The following VTI1A variants were observed in gnomAD, a reference collection of about 807,000 sequenced individuals.
The protein encoded by VTI1A is vesicle transport through interaction with t-SNAREs 1A, also known as vesicle transport through interaction with t-SNAREs homolog 1A.
In VTI1A, 22 loss-of-function variants were observed where a neutral mutation model predicts 34.9. The ratio of observed to expected loss-of-function variants is 0.63; its 90% CI spans 0.45 to 0.90. VTI1A has a LOEUF of 0.90. VTI1A is among the 40% of genes least tolerant of loss of function. VTI1A has a pLI of 0.00. For synonymous variants in VTI1A, 87 were observed against 97.3 expected (o/e 0.89, Z 0.62); for missense variants, 268 against 275.6 (o/e 0.97, Z 0.20).
At chr10:112,657,124 G>A (rs981797166) in intron 5 of VTI1A, among the ~76,000 whole-genome samples, 1 of 152,114 alleles carries the variant, frequency 6.6e-6, no homozygotes, top group Non-Finnish European at 1.5e-5. Flanking sequence ...CTGTGAGACA[G>A]TTAAACCCCT....
chr10:112,815,154 C>CACACAT, intron 7 of VTI1A, 136 bp from the exon 8 acceptor site: 1 of 507,304 alleles, frequency 2.0e-6, no homozygotes, highest in East Asian at 3.9e-5. Flanking sequence ...CACACACACA[C>CACACAT]ACACACACAC....
chr10:112,674,138 ATC>A (rs1847952685), intron 7 of VTI1A, among the ~76,000 whole-genome samples: 1 of 152,066 alleles, frequency 6.6e-6, no homozygotes, highest in Non-Finnish European at 1.5e-5. Context: ...TTACTTCTCT[ATC>A]TCTTTTTCTT....
intron 7 of VTI1A, among the ~76,000 whole-genome samples, chr10:112,739,781 C>T (rs930576087): frequency 3.3e-5 from 5 of 152,172 alleles, no homozygotes; most frequent in Non-Finnish European, 7.4e-5. Flanking sequence ...TATTGAACTG[C>T]CATCCAGATG....
intron 3 of VTI1A, among the ~76,000 whole-genome samples, chr10:112,483,116 T>G (rs1848505522): frequency 6.6e-6 from 1 of 152,148 alleles, no homozygotes; most frequent in Non-Finnish European, 1.5e-5. Flanking sequence ...GGTGCCAGTT[T>G]GTTGGTGCTC....
At chr10:112,653,133 A>AT (rs1359172617) in intron 5 of VTI1A, among the ~76,000 whole-genome samples, 2 of 152,186 alleles carry the variant, frequency 1.3e-5, no homozygotes, top group African/African-American at 4.8e-5. Flanking sequence ...GGATGAAGTC[A>AT]TGTTACGAAG....
chr10:112,759,084 G>A (rs1044524989), intron 7 of VTI1A, among the ~76,000 whole-genome samples: 21 of 152,042 alleles, frequency 1.4e-4, no homozygotes, highest in Admixed American at 9.8e-4. Flanking sequence ...TACCCCAGCC[G>A]GCTACCAGAG....
chr10:112,642,988 T>TG (rs1250330010), intron 5 of VTI1A, among the ~76,000 whole-genome samples: 1 of 146,536 alleles, frequency 6.8e-6, no homozygotes, highest in Non-Finnish European at 1.5e-5. Context: ...TTTTTTTTTT[T>TG]TTTTTTGTTT....
chr10:112,774,024 G>A (rs932633184), intron 7 of VTI1A, among the ~76,000 whole-genome samples: 1 of 152,214 alleles, frequency 6.6e-6, no homozygotes, highest in Admixed American at 6.5e-5. Context: ...GACAGCTAGG[G>A]GTCAGAGACA....
rs1205001526 is a variant in VTI1A, at chr10:112,817,020, A to G, written c.*1637A>G. 1.3e-5 allele frequency: 3 copies of G among 232,276 alleles called. No individual in the cohort carries two copies. The highest frequency in any genetic ancestry group is 6.6e-5 in the African/African-American group (3 of 45,308). 14.4% of individuals were successfully genotyped at this position (232,276 alleles called of 1,614,324 possible). On this transcript the variant is annotated 3_prime_UTR_variant, in exon 8 of 8. Coordinates refer to ENST00000393077, the MANE Select transcript of VTI1A (RefSeq NM_145206.4). ...GAGGGAAGCAGGACAGAGAAGGAGC[A>G]GGAAGCTATGCTAATTTTCCTGTCA...
intron 5 of VTI1A, among the ~76,000 whole-genome samples, chr10:112,628,961 C>T (rs1299921402): frequency 6.6e-6 from 1 of 151,950 alleles, no homozygotes; most frequent in Non-Finnish European, 1.5e-5. Flanking sequence ...TTTGATACAC[C>T]AGACATCTCA....
rs1019033987 is a variant in VTI1A, at chr10:112,675,319, G to T, written c.560+6321G>T. Among the ~76,000 whole-genome samples, 15 of 152,260 alleles carry T rather than the reference G, an allele frequency of 9.9e-5. No homozygotes were observed. In the East Asian group the frequency reaches 2.9e-3, roughly 29 times the overall value. ...GGAACCACGGGTAAATATCATCAGG[G>T]TCTACATAAGTCATCTGCCTCCAGG... On this transcript the variant is annotated intron_variant, in intron 7 of 7. Coordinates refer to ENST00000393077, the MANE Select transcript of VTI1A (RefSeq NM_145206.4).
intron 5 of VTI1A, among the ~76,000 whole-genome samples, chr10:112,630,706 A>G (rs1846097263): frequency 6.6e-6 from 1 of 152,246 alleles, no homozygotes; most frequent in African/African-American, 2.4e-5. Flanking sequence ...ACTATACCCC[A>G]TTCAACATCG....
chr10:112,580,679 C>G (rs1843894967), intron 5 of VTI1A, among the ~76,000 whole-genome samples: 1 of 152,024 alleles, frequency 6.6e-6, no homozygotes, highest in Non-Finnish European at 1.5e-5. Flanking sequence ...GTTGAAATGG[C>G]TAACTGTGGG....
At chr10:112,754,825 G>A (rs1470391024) in intron 7 of VTI1A, among the ~76,000 whole-genome samples, 1 of 152,118 alleles carries the variant, frequency 6.6e-6, no homozygotes, top group Non-Finnish European at 1.5e-5. Context: ...TAGGAAAGAG[G>A]AAAAGAATTA....
the VTI1A span, among the ~76,000 whole-genome samples, chr10:112,837,354 AT>A: frequency 6.6e-6 from 1 of 152,030 alleles, no homozygotes; most frequent in Non-Finnish European, 1.5e-5. Context: ...GGGGGAGGGG[AT>A]AGAAGACTGG....
chr10:112,705,728 T>G (rs1305303712), intron 7 of VTI1A, among the ~76,000 whole-genome samples: 1 of 152,166 alleles, frequency 6.6e-6, no homozygotes, highest in Non-Finnish European at 1.5e-5. Context: ...AGAATCCGTG[T>G]GGACTGAGTC....
chr10:112,745,446 G>A (rs931895445), intron 7 of VTI1A, among the ~76,000 whole-genome samples: 6 of 151,808 alleles, frequency 4.0e-5, no homozygotes, highest in Non-Finnish European at 7.4e-5. Flanking sequence ...CTCCAGTGTC[G>A]AGTGCTCTCA....
chr10:112,776,189 C>T (rs1012882286), intron 7 of VTI1A, among the ~76,000 whole-genome samples: 6 of 152,100 alleles, frequency 3.9e-5, no homozygotes, highest in East Asian at 1.9e-4. Context: ...TTACAGCAGC[C>T]GAGGGTAATC....
At chr10:112,753,133 T>C (rs1851162270) in intron 7 of VTI1A, among the ~76,000 whole-genome samples, 1 of 152,166 alleles carries the variant, frequency 6.6e-6, no homozygotes, top group South Asian at 2.1e-4. Context: ...AATGGTGTTA[T>C]ATGAACATTC....
Sources: gnomAD v4.1 joint callset for allele counts (sites outside exome capture counted in the v4.1 genomes callset) on GRCh38, gnomAD v4.1.1 for gene constraint, MANE v1.5 for transcripts, NCBI Gene and HGNC (gene_info 2026-07-23, HGNC 2026-07-21) for gene names.